EYS: variants seen among roughly 807,000 people sequenced by gnomAD.
EYS encodes the protein protein eyes shut homolog.
In EYS, 250 loss-of-function variants were observed where a neutral mutation model predicts 282.1. The observed-to-expected ratio is 0.89, with a 90% CI of 0.80 to 0.98. EYS has a LOEUF of 0.98. EYS is among the 50% of genes least tolerant of loss of function. The probability of loss-of-function intolerance (pLI) is 0.00; values close to 1 mark genes in which losing one functional copy is unlikely to be tolerated. For missense variants in EYS, 4,016 were observed against 3,709.0 expected, an observed-to-expected ratio of 1.08 and a Z score of -2.15; for synonymous variants, 1,355 against 1,282.9, an observed-to-expected ratio of 1.06 and a Z score of -1.20.
chr6:65,203,689 A>G (rs1391969205), intron 12 of EYS, among the ~76,000 whole-genome samples: 1 of 152,198 alleles, frequency 6.6e-6, no homozygotes, highest in Admixed American at 6.5e-5. Context: ...GACACATGTT[A>G]TGGACCATCC....
intron 33 of EYS, among the ~76,000 whole-genome samples, chr6:64,048,170 T>C (rs1371871010): frequency 1.3e-5 from 2 of 152,172 alleles, no homozygotes; most frequent in Non-Finnish European, 2.9e-5. Context: ...CCTCCCAAAG[T>C]GCTGGGATTA....
chr6:64,889,249 T>G (rs571386948), intron 18 of EYS, among the ~76,000 whole-genome samples: 27 of 152,188 alleles, frequency 1.8e-4, no homozygotes, highest in African/African-American at 6.3e-4. Context: ...TTCGGTGATT[T>G]TCATTATCTT....
At chr6:64,280,465 A>G (rs912820160) in intron 30 of EYS, among the ~76,000 whole-genome samples, 2 of 152,156 alleles carry the variant, frequency 1.3e-5, no homozygotes, top group African/African-American at 4.8e-5. Flanking sequence ...CGTTTGAGTC[A>G]AACTTGTAGA....
intron 5 of EYS, among the ~76,000 whole-genome samples, chr6:65,430,859 G>A (rs182931542): frequency 8.1e-4 from 123 of 152,188 alleles, no homozygotes; most frequent in Non-Finnish European, 1.1e-3. Context: ...GAGCCCTTGC[G>A]TCCTGAAAAA....
At chr6:63,844,425 G>A (rs1772045094) in intron 36 of EYS, among the ~76,000 whole-genome samples, 2 of 152,088 alleles carry the variant, frequency 1.3e-5, no homozygotes, top group African/African-American at 4.8e-5. Context: ...TTTGAGGAAT[G>A]TCCACACTGT....
At chr6:63,758,982 G>A (rs879665923) in intron 41 of EYS, among the ~76,000 whole-genome samples, 2 of 152,082 alleles carry the variant, frequency 1.3e-5, no homozygotes, top group East Asian at 1.9e-4. Flanking sequence ...TTCCTAGAAC[G>A]GGGGGCAGGG....
intron 22 of EYS, among the ~76,000 whole-genome samples, chr6:64,770,698 T>C (rs142763997): frequency 1.1e-3 from 169 of 152,044 alleles, no homozygotes; most frequent in African/African-American, 3.9e-3. Context: ...CTCTTTAAAA[T>C]GCATCATATT....
intron 29 of EYS, among the ~76,000 whole-genome samples, chr6:64,352,209 A>G (rs1771667210): frequency 3.3e-5 from 5 of 151,584 alleles, no homozygotes; most frequent in Admixed American, 2.0e-4. Context: ...TTAAAAAAAT[A>G]AAATAAAAAT....
At chr6:64,206,742 T>C (rs1334106713) in intron 31 of EYS, among the ~76,000 whole-genome samples, 1 of 152,228 alleles carries the variant, frequency 6.6e-6, no homozygotes, top group Non-Finnish European at 1.5e-5. Context: ...ACTCAGATTA[T>C]AGAGCATTTG....
chr6:64,481,301 TAGAG>T (rs569112107), intron 26 of EYS, among the ~76,000 whole-genome samples: 30 of 147,594 alleles, frequency 2.0e-4, no homozygotes, highest in Middle Eastern at 3.5e-3. Context: ...TATATATAAT[TAGAG>T]AGCATAGAAA....
In EYS at chr6:63,958,099, C is replaced by T. The variant is rs190895383; in HGVS notation, c.7055+26284G>A. On this transcript the variant is annotated intron_variant, in intron 35 of 42. Transcript: ENST00000503581. Reference sequence around the variant, plus strand: ...TCTATGACCATGGTTAATAGTCAAGCTAATGTGCTAATGTGGGGAGTCAAA... The same window carrying T: ...TCTATGACCATGGTTAATAGTCAAGTTAATGTGCTAATGTGGGGAGTCAAA... 1.5e-4 allele frequency among the ~76,000 whole-genome samples: 21 copies of T among 140,546 alleles called. 3 individuals carry two copies. The highest frequency in any genetic ancestry group is 1.5e-3 in the Admixed American group (19 of 12,992). The allele number at this position is 140,546 out of a possible 152,430, so 92.2% of individuals were successfully genotyped here.
chr6:64,066,283 AAACG>A, intron 33 of EYS, 51 bp downstream of exon 33: 1 of 1,484,736 alleles, frequency 6.7e-7, no homozygotes. Flanking sequence ...ATCTCAAAAC[AAACG>A]AACAAACAAA....
chr6:63,915,821 C>T (rs1339415276), intron 35 of EYS, among the ~76,000 whole-genome samples: 1 of 152,110 alleles, frequency 6.6e-6, no homozygotes, highest in African/African-American at 2.4e-5. Flanking sequence ...GAATTGGAGC[C>T]TGAAGATGTG....
chr6:64,160,327 C>A (rs1422879422), intron 31 of EYS, among the ~76,000 whole-genome samples: 1 of 152,112 alleles, frequency 6.6e-6, no homozygotes, highest in East Asian at 1.9e-4. Flanking sequence ...TTGAATTGCA[C>A]GAAATGTCCA....
At chr6:63,899,487 A>T (rs1773610660) in intron 35 of EYS, among the ~76,000 whole-genome samples, 1 of 152,092 alleles carries the variant, frequency 6.6e-6, no homozygotes, top group Non-Finnish European at 1.5e-5. Context: ...CTTCATTTTT[A>T]ACTTTCTTTT....
intron 26 of EYS, among the ~76,000 whole-genome samples, chr6:64,468,276 A>G (rs978230406): frequency 6.6e-6 from 1 of 152,212 alleles, no homozygotes; most frequent in African/African-American, 2.4e-5. Flanking sequence ...CACTGATTAC[A>G]GCTAAAGAAC....
chr6:64,332,070 T>C (rs970986793), intron 29 of EYS, among the ~76,000 whole-genome samples: 7 of 152,212 alleles, frequency 4.6e-5, no homozygotes, highest in African/African-American at 1.7e-4. Flanking sequence ...GGAAACTGCA[T>C]ACAGCTTATC....
At chr6:65,277,170 C>T (rs1163144238) in intron 12 of EYS, among the ~76,000 whole-genome samples, 1 of 152,094 alleles carries the variant, frequency 6.6e-6, no homozygotes, top group African/African-American at 2.4e-5. Context: ...TGCAGTGGCT[C>T]ATGCCTGTAA....
At chr6:64,733,415 A>C (rs1583093449) in intron 22 of EYS, 1 of 179,556 alleles carries the variant, frequency 5.6e-6, no homozygotes, top group East Asian at 1.2e-4. Flanking sequence ...CTGATTTCAC[A>C]ACATCATCTA....
Sources: allele counts gnomAD v4.1 joint callset (sites outside exome capture counted in the v4.1 genomes callset), GRCh38; gene constraint gnomAD v4.1.1; transcripts MANE v1.5; gene names NCBI Gene and HGNC (gene_info 2026-07-23, HGNC 2026-07-21).